Variants in SIAH3 observed in about 807,000 individuals in gnomAD.
The protein encoded by SIAH3 is seven in absentia homolog 3.
In SIAH3, 9 loss-of-function variants were observed where a neutral mutation model predicts 12.6. That is an observed-to-expected ratio of 0.72 (90% confidence interval 0.43 to 1.25). SIAH3 has a LOEUF of 1.25. Among genes scored for constraint, SIAH3 ranks in the 50% most tolerant of loss-of-function variants. The probability of loss-of-function intolerance (pLI) is 0.00; values close to 1 mark genes in which losing one functional copy is unlikely to be tolerated. For synonymous variants in SIAH3, 154 were observed against 151.1 expected, an observed-to-expected ratio of 1.02 and a Z score of -0.14; for missense variants, 390 against 365.4, an observed-to-expected ratio of 1.07 and a Z score of -0.55.
chr13:45,834,023 A>AG lies in SIAH3; in HGVS notation c.135+17471dup, dbSNP rs200516709. On this transcript the variant is annotated intron_variant, in intron 1 of 1. Coordinates refer to ENST00000400405, the MANE Select transcript of SIAH3 (RefSeq NM_198849.3). ...GGTCAAAAAGAAAAAAAAAAAAAGA[A>AG]GGGGAAAAAAAAGCCCTTCCATTCT... Among the ~76,000 whole-genome samples, 1,253 of 151,582 alleles carry AG rather than the reference A, an allele frequency of 8.3e-3. 16 individuals are homozygous for AG. The highest frequency in any genetic ancestry group is 0.025 in the African/African-American group (1,049 of 41,280).
At chr13:45,835,380 A>G (rs905828471) in intron 1 of SIAH3, among the ~76,000 whole-genome samples, 2 of 152,226 alleles carry the variant, frequency 1.3e-5, no homozygotes, top group African/African-American at 4.8e-5. Context: ...CTACACTAGC[A>G]TCAGGACCTA....
At position 45,785,665 on chromosome 13, in the gene SIAH3, G is replaced by A. The variant is rs190416109; in HGVS notation, c.136-1608C>T. Among the ~76,000 whole-genome samples, 253 of 152,368 alleles carry A rather than the reference G, an allele frequency of 1.7e-3. 1 individual carries two copies. The highest frequency in any genetic ancestry group is 5.8e-3 in the African/African-American group (241 of 41,588). ...TGGAGGTGACCTGGAGGAGGTAGGGGCCAGATCAGCTCTCCTCTCCAGTTG... is the reference window on the plus strand; with the variant it reads ...TGGAGGTGACCTGGAGGAGGTAGGGACCAGATCAGCTCTCCTCTCCAGTTG... On this transcript the variant is annotated intron_variant, in intron 1 of 1. Transcript: ENST00000400405.
At chr13:45,814,119 G>A (rs1485618897) in intron 1 of SIAH3, among the ~76,000 whole-genome samples, 2 of 151,246 alleles carry the variant, frequency 1.3e-5, no homozygotes, top group Non-Finnish European at 2.9e-5. Flanking sequence ...GGCACCTGTA[G>A]TCCCAGCTAC....
chr13:45,830,964 A>G (rs1343387109), intron 1 of SIAH3, among the ~76,000 whole-genome samples: 1 of 152,094 alleles, frequency 6.6e-6, no homozygotes, highest in Admixed American at 6.5e-5. Context: ...GGATCACCTG[A>G]GGTTAGGAGC....
chr13:45,784,965 A>G (rs775864972), intron 1 of SIAH3, among the ~76,000 whole-genome samples: 1 of 152,136 alleles, frequency 6.6e-6, no homozygotes, highest in Non-Finnish European at 1.5e-5. Context: ...ACATTACTAC[A>G]CTTATAATTA....
intron 1 of SIAH3, among the ~76,000 whole-genome samples, chr13:45,820,746 CT>C (rs1325171535): frequency 7.2e-5 from 11 of 152,276 alleles, no homozygotes; most frequent in Non-Finnish European, 1.3e-4. Flanking sequence ...TGGGGCTTCT[CT>C]TTCCCCTCCT....
At chr13:45,788,745 G>A (rs1439604516) in intron 1 of SIAH3, among the ~76,000 whole-genome samples, 2 of 152,166 alleles carry the variant, frequency 1.3e-5, no homozygotes, top group African/African-American at 2.4e-5. Context: ...TCACTTAGAG[G>A]ATTGCTTTTC....
At chr13:45,788,625 C>T (rs1257548064) in intron 1 of SIAH3, among the ~76,000 whole-genome samples, 1 of 152,214 alleles carries the variant, frequency 6.6e-6, no homozygotes, top group Non-Finnish European at 1.5e-5. Context: ...ATCAGCCACA[C>T]TCCCATGGTT....
At chr13:45,796,093 G>A (rs558942729) in intron 1 of SIAH3, among the ~76,000 whole-genome samples, 2 of 152,300 alleles carry the variant, frequency 1.3e-5, no homozygotes, top group East Asian at 3.9e-4. Flanking sequence ...TGGGACCCGA[G>A]GGAGCCCCTG....
chr13:45,784,408 T>TG (rs1555256309), intron 1 of SIAH3, among the ~76,000 whole-genome samples: 1 of 150,690 alleles, frequency 6.6e-6, no homozygotes, highest in African/African-American at 2.5e-5. Context: ...GTTTTTTTTT[T>TG]TTTTTTTTTT....
At chr13:45,798,253 A>G (rs904449003) in intron 1 of SIAH3, among the ~76,000 whole-genome samples, 1 of 152,232 alleles carries the variant, frequency 6.6e-6, no homozygotes, top group African/African-American at 2.4e-5. Flanking sequence ...AGTAATACAT[A>G]AACCAATAAA....
intron 1 of SIAH3, among the ~76,000 whole-genome samples, chr13:45,808,196 A>T (rs1950604285): frequency 1.3e-5 from 2 of 152,210 alleles, no homozygotes; most frequent in Non-Finnish European, 1.5e-5. Flanking sequence ...AGTAGACTGA[A>T]GAAAGTGATG....
rs537915859 is a variant in SIAH3 at position 45,780,757 on chromosome 13, G to C, written c.*2626C>G. 1.3e-5 allele frequency: 2 copies of C among 152,202 alleles called. No homozygotes were observed. The highest frequency in any genetic ancestry group is 4.8e-5 in the African/African-American group (2 of 41,442). 9.4% of individuals were successfully genotyped at this position (152,202 alleles called of 1,614,324 possible). On this transcript the variant is annotated 3_prime_UTR_variant, in exon 2 of 2. Transcript: ENST00000400405. ...CACCAAGTTTGCAGTCAGTTGATCT[G>C]GGTTTTGGTTGTGGTCTAACCACCT...
chr13:45,812,688 GCTCACA>G lies in SIAH3; in HGVS notation c.136-28637_136-28632del, dbSNP rs554611356. On this transcript the variant is annotated intron_variant, in intron 1 of 1. Transcript: ENST00000400405. Reference sequence around the variant, plus strand: ...CACACACACACAGACACACACACATGCTCACACTCACACTCCAAATAGCAACCAGGT... The same window carrying G: ...CACACACACACAGACACACACACATGCTCACACTCCAAATAGCAACCAGGT... 5.3e-3 allele frequency among the ~76,000 whole-genome samples: 802 copies of G among 152,116 alleles called. 7 individuals are homozygous for G. The highest frequency in any genetic ancestry group is 0.018 in the African/African-American group (753 of 41,494).
In SIAH3 at chr13:45,780,175, G is replaced by T. The variant is rs1213840528; in HGVS notation, c.*3208C>A. The T allele has an allele frequency of 6.6e-6, 1 of 152,250 alleles. No individual in the cohort carries two copies. Among genetic ancestry groups the T allele is most frequent in the Non-Finnish European group, 1.5e-5 (1 of 68,082 alleles). 9.4% of individuals were successfully genotyped at this position (152,250 alleles called of 1,614,324 possible). A position where few individuals can be genotyped will look rare whatever the true frequency, so the allele number is the denominator to read the frequency against. ...GGACTCTAAGGTGAGAAACCTGGGT[G>T]TGGGCAAAGGGATTCAGAAAGGGCC... On this transcript the variant is annotated 3_prime_UTR_variant, in exon 2 of 2. Coordinates refer to ENST00000400405, the MANE Select transcript of SIAH3 (RefSeq NM_198849.3).
At chr13:45,794,148 A>G (rs1278814446) in intron 1 of SIAH3, among the ~76,000 whole-genome samples, 1 of 150,930 alleles carries the variant, frequency 6.6e-6, no homozygotes, top group Non-Finnish European at 1.5e-5. Flanking sequence ...GCTGGAGTAC[A>G]GTGGTGTGAT....
intron 1 of SIAH3, among the ~76,000 whole-genome samples, chr13:45,828,937 T>C (rs1445703816): frequency 5.1e-5 from 7 of 137,384 alleles, no homozygotes; most frequent in African/African-American, 1.8e-4. Context: ...CAGAATTAAC[T>C]CTATTTTTTT....
chr13:45,850,919 C>CCACACACACACACACACA (rs34118981), intron 1 of SIAH3, among the ~76,000 whole-genome samples: 3 of 128,228 alleles, frequency 2.3e-5, no homozygotes, highest in East Asian at 5.1e-4. Flanking sequence ...CCTCCCGACA[C>CCACACACACACACACACA]CACACACACA....
At chr13:45,801,150 G>A (rs1052388120) in intron 1 of SIAH3, among the ~76,000 whole-genome samples, 39 of 152,160 alleles carry the variant, frequency 2.6e-4, no homozygotes, top group Admixed American at 9.2e-4. Context: ...GTTCGCCAGC[G>A]CCTGACATAT....
Sources: gnomAD v4.1 joint callset for allele counts (sites outside exome capture counted in the v4.1 genomes callset) on GRCh38, gnomAD v4.1.1 for gene constraint, MANE v1.5 for transcripts, NCBI Gene and HGNC (gene_info 2026-07-23, HGNC 2026-07-21) for gene names.